Variants in NUP160 observed in about 807,000 individuals in gnomAD.
The protein encoded by NUP160 is nucleoporin 160.
A neutral mutation model predicts 196.9 loss-of-function variants in NUP160; 94 were observed. That is an observed-to-expected ratio of 0.48 (90% CI 0.40 to 0.57). The LOEUF is 0.57. Ranked by LOEUF, NUP160 falls within the 20% of genes least tolerant of loss-of-function variation. NUP160 has a pLI of 0.00. For missense variants in NUP160, 1,638 were observed against 1,748.3 expected (o/e 0.94, Z 1.13); for synonymous variants, 605 against 619.7 (o/e 0.98, Z 0.35).
At chr11:47,845,846 A>T (rs1424847067) in intron 2 of NUP160, among the ~76,000 whole-genome samples, 1 of 152,160 alleles carries the variant, frequency 6.6e-6, no homozygotes, top group Non-Finnish European at 1.5e-5. Flanking sequence ...TATTTTAAAA[A>T]ATCAGGCTGG....
chr11:47,839,968 G>A, exon 4 of NUP160: 1 of 1,613,930 alleles, frequency 6.2e-7, no homozygotes, highest in African/African-American at 1.3e-5. Context: ...AGATATTCCA[G>A]GTACTGCTGG....
In NUP160 at chr11:47,835,332, T is replaced by C. The variant is rs553300232; in HGVS notation, c.1101+319A>G. On this transcript the variant is annotated intron_variant, in intron 7 of 35. Transcript: ENST00000378460. Reference sequence around the variant, plus strand: ...TGTCTGGATGCTAAGCAAATTTATTTAGAAAAATTAACTTAACACCACATA... The same window carrying C: ...TGTCTGGATGCTAAGCAAATTTATTCAGAAAAATTAACTTAACACCACATA... Among the ~76,000 whole-genome samples the C allele has an allele frequency of 7.9e-5, 12 of 152,316 alleles. No homozygotes were observed. The South Asian group carries it at 1.9e-3, about 24-fold the overall frequency.
intron 27 of NUP160, chr11:47,796,483 G>T: frequency 3.6e-6 from 1 of 274,622 alleles, no homozygotes; most frequent in Non-Finnish European, 6.8e-6. Flanking sequence ...AAACAAGTAA[G>T]TAAATAAATA....
chr11:47,835,244 G>C (rs546413622), intron 7 of NUP160, among the ~76,000 whole-genome samples: 1 of 152,278 alleles, frequency 6.6e-6, no homozygotes, highest in Non-Finnish European at 1.5e-5. Flanking sequence ...ACAAATGGCT[G>C]TTTATTAAAT....
Position 47,839,195 on chromosome 11 carries a change from G to A in NUP160, c.748+648C>T, listed in dbSNP as rs186202310. Among the ~76,000 whole-genome samples, 1,453 of 152,080 alleles carry A rather than the reference G, an allele frequency of 9.6e-3. 25 individuals are homozygous for A. The highest frequency in any genetic ancestry group is 0.033 in the African/African-American group (1,379 of 41,532). The stretch of plus-strand genomic sequence containing the variant: ...CAACCTCCACCTCTTGGGTTCAAGC[G>A]ATTCTCTTGCCTCAGCCTCCCGAGT... On this transcript the variant is annotated intron_variant, in intron 4 of 35. Transcript: ENST00000378460.
intron 35 of NUP160, 77 bp downstream of exon 35, chr11:47,780,266 A>T: frequency 9.8e-7 from 1 of 1,015,296 alleles, no homozygotes; most frequent in Non-Finnish European, 1.6e-6. Flanking sequence ...AATCCCGGAG[A>T]ACTGAAGATC....
intron 4 of NUP160, 27 bp downstream of exon 4, chr11:47,839,816 A>T: frequency 6.4e-7 from 1 of 1,558,398 alleles, no homozygotes; most frequent in Non-Finnish European, 8.9e-7. Flanking sequence ...GTTTAAAGTT[A>T]AATCCATGCT....
chr11:47,797,577 A>G (rs563616336), intron 27 of NUP160, among the ~76,000 whole-genome samples: 2 of 152,250 alleles, frequency 1.3e-5, no homozygotes, highest in African/African-American at 4.8e-5. Context: ...TGCACACAGA[A>G]TGCCATTTTA....
intron 23 of NUP160, among the ~76,000 whole-genome samples, chr11:47,801,142 G>A (rs1241524217): frequency 2.0e-5 from 3 of 152,126 alleles, no homozygotes; most frequent in Non-Finnish European, 4.4e-5. Flanking sequence ...ATAAACTAAG[G>A]CTAAATACAG....
intron 17 of NUP160, 135 bp downstream of exon 17, chr11:47,811,929 G>T: frequency 1.4e-6 from 1 of 693,292 alleles, no homozygotes; most frequent in Non-Finnish European, 2.4e-6. Context: ...ATCTCATAAG[G>T]CCAAGCTTGG....
At chr11:47,811,459 G>A (rs1477092192) in intron 17 of NUP160, among the ~76,000 whole-genome samples, 15 of 151,200 alleles carry the variant, frequency 9.9e-5, no homozygotes, top group East Asian at 3.9e-4. Flanking sequence ...ACTCCAGCCT[G>A]GGCAACAGAG....
intron 23 of NUP160, among the ~76,000 whole-genome samples, chr11:47,799,407 C>T (rs1252950753): frequency 1.3e-5 from 2 of 151,756 alleles, no homozygotes. Context: ...TTTGATTGTC[C>T]ACCCTGTCAA....
chr11:47,786,368 T>C lies in NUP160; in HGVS notation c.3848+85A>G. 3 of 768,788 alleles carry C rather than the reference T, an allele frequency of 3.9e-6. No homozygotes were observed. The South Asian group carries it at 5.2e-5, about 13-fold the overall frequency. 47.6% of individuals were successfully genotyped at this position (768,788 alleles called of 1,614,324 possible). A position where few individuals can be genotyped will look rare whatever the true frequency, so the allele number is the denominator to read the frequency against. On this transcript the variant is annotated intron_variant, in intron 32 of 35. Coordinates refer to ENST00000378460, the Ensembl canonical transcript of NUP160. ...AAAAAGAAAGAAAAAAGTGAAATGATCTATGTAGGACAATTTAGTCAGAGA... is the reference window on the plus strand; with the variant it reads ...AAAAAGAAAGAAAAAAGTGAAATGACCTATGTAGGACAATTTAGTCAGAGA...
At chr11:47,827,038 AGGG>A (rs1044809740) in intron 7 of NUP160, 2 of 456,084 alleles carry the variant, frequency 4.4e-6, no homozygotes, top group African/African-American at 4.0e-5. Flanking sequence ...CTAGGAATAA[AGGG>A]GAACCTCCTC....
Position 47,837,549 on chromosome 11 carries a change from T to C in NUP160, c.823A>G (p.Ile275Val), listed in dbSNP as rs768103517. 3.1e-5 allele frequency: 50 copies of C among 1,613,740 alleles called. No individual in the cohort carries two copies. Among genetic ancestry groups the C allele is most frequent in the Non-Finnish European group, 3.5e-5 (41 of 1,179,726 alleles). Residue 275 changes from isoleucine to valine, a missense_variant, in exon 5 of 36, where the codon ATC becomes GTC. Physicochemically the swap from Ile to Val is conservative, Grantham distance 29 (BLOSUM62 3). Transcript: ENST00000378460. ...TACCTGCCAGACACCACTCACCTGA[T>C]AGCTGTTGGCATCCAGCCTGTAAGC...
At position 47,824,069 on chromosome 11, in the gene NUP160, G is replaced by A. The variant is rs185911945; in HGVS notation, c.1102-1905C>T. On this transcript the variant is annotated intron_variant, in intron 7 of 35. Transcript: ENST00000378460. Reference sequence around the variant, plus strand: ...TATATATATACACACACACATAGAAGTGGAATTTCTGGAATATATGGTAAT... The same window carrying A: ...TATATATATACACACACACATAGAAATGGAATTTCTGGAATATATGGTAAT... Among the ~76,000 whole-genome samples, 1,053 of 125,584 alleles carry A rather than the reference G, an allele frequency of 8.4e-3. 19 individuals are homozygous for A. The highest frequency in any genetic ancestry group is 0.03 in the African/African-American group (985 of 32,646). 82.4% of individuals were successfully genotyped at this position (125,584 alleles called of 152,430 possible).
At position 47,779,197 on chromosome 11, in the gene NUP160, A is replaced by G. The variant is rs201495092; in HGVS notation, c.4222-3T>C. Reference sequence around the variant, plus strand: ...TTGTCAAGTATTTTCTGGGACAGCTATAAGAGAAAAGAAGGAAAACATTAC... The same window carrying G: ...TTGTCAAGTATTTTCTGGGACAGCTGTAAGAGAAAAGAAGGAAAACATTAC... On this transcript the variant is annotated splice_polypyrimidine_tract_variant and splice_region_variant and intron_variant, in intron 35 of 35. Coordinates refer to ENST00000378460, the Ensembl canonical transcript of NUP160. 828 of 1,594,308 alleles carry G rather than the reference A, an allele frequency of 5.2e-4. 1 individual carries two copies. The highest frequency in any genetic ancestry group is 6.0e-4 in the Non-Finnish European group (696 of 1,163,646).
At chr11:47,820,903 T>C (rs544912822) in intron 9 of NUP160, among the ~76,000 whole-genome samples, 2 of 152,184 alleles carry the variant, frequency 1.3e-5, no homozygotes, top group East Asian at 3.9e-4. Flanking sequence ...GGACAGGTCT[T>C]GAACCATGGC....
intron 29 of NUP160, among the ~76,000 whole-genome samples, chr11:47,791,592 C>T (rs1235523157): frequency 3.3e-5 from 5 of 152,120 alleles, no homozygotes; most frequent in African/African-American, 9.7e-5. Flanking sequence ...CCACCTGCCT[C>T]GGCCTCCCAA....
Sources: allele counts gnomAD v4.1 joint callset (sites outside exome capture counted in the v4.1 genomes callset), GRCh38; gene constraint gnomAD v4.1.1; transcripts MANE v1.5; gene names NCBI Gene and HGNC (gene_info 2026-07-23, HGNC 2026-07-21).